Variants in ACTL8 observed in about 807,000 individuals in gnomAD.
ACTL8 encodes the protein actin-like protein 8.
ACTL8 carries 3 observed loss-of-function variants against 9.3 expected under a neutral mutation model. That is an observed-to-expected ratio of 0.32 (90% CI 0.15 to 0.83). ACTL8 has a LOEUF of 0.83. ACTL8 is among the 40% of genes least tolerant of loss of function. The pLI, the probability that ACTL8 is intolerant of heterozygous loss-of-function variation, is 0.57. For missense variants in ACTL8, 381 were observed against 492.2 expected, an observed-to-expected ratio of 0.77 and a Z score of 2.14; for synonymous variants, 224 against 205.9, an observed-to-expected ratio of 1.09 and a Z score of -0.75.
intron 1 of ACTL8, among the ~76,000 whole-genome samples, chr1:17,790,331 C>T (rs959576869): frequency 6.6e-6 from 1 of 152,238 alleles, no homozygotes; most frequent in African/African-American, 2.4e-5. Flanking sequence ...GGTCATGTTT[C>T]AGCCCTGTTT....
At position 17,823,352 on chromosome 1, in the gene ACTL8, T is replaced by A; in HGVS notation, c.344T>A (p.Leu115Gln). The A allele has an allele frequency of 1.2e-6, 2 of 1,611,880 alleles. No homozygotes were observed. Among genetic ancestry groups the A allele is most frequent in the South Asian group, 2.2e-5 (2 of 90,942 alleles). The change falls in exon 2 of 3, where the codon CTG becomes CAG. Residue 115 changes from leucine to glutamine, a missense_variant. By Grantham distance (113) the Leu-to-Gln change is moderately radical. This residue lies in a region of ACTL8 where 125 missense variants were observed against 180.7 expected (regional missense o/e 0.69). Coordinates refer to ENST00000375406, the MANE Select transcript of ACTL8 (RefSeq NM_030812.3). The surrounding 1 kb of genome is among the most constrained non-coding windows in gnomAD (Gnocchi z 5.3). Reference protein sequence around the residue: ...LREPADRKKMLEILFELLHVP... With the variant: ...LREPADRKKMQEILFELLHVP... Reference sequence around the variant, plus strand: ...GAGCCTGCGGACCGAAAGAAGATGCTGGAGGTGAGGCCTGCCGGGGCCTGC... The same window carrying A: ...GAGCCTGCGGACCGAAAGAAGATGCAGGAGGTGAGGCCTGCCGGGGCCTGC...
Position 17,805,377 on chromosome 1 carries a change from CTTTTTTTTTTTTT to C in ACTL8, c.-24-17594_-24-17582del, listed in dbSNP as rs56870755. The stretch of plus-strand genomic sequence containing the variant: ...ATAGATATATTTTCTTTTTCTTTTT[CTTTTTTTTTTTTT>C]TTTTTTTTTTTTTGAGATTAAGTCT... On this transcript the variant is annotated intron_variant, in intron 1 of 2. Transcript: ENST00000375406. 1.6e-3 allele frequency among the ~76,000 whole-genome samples: 159 copies of C among 100,192 alleles called. 3 individuals are homozygous for C. The East Asian group carries it at 0.032, about 20-fold the overall frequency. 65.7% of individuals were successfully genotyped at this position (100,192 alleles called of 152,430 possible). A position where few individuals can be genotyped will look rare whatever the true frequency, so the allele number is the denominator to read the frequency against.
intron 1 of ACTL8, among the ~76,000 whole-genome samples, chr1:17,793,256 G>A (rs943939453): frequency 1.3e-5 from 2 of 152,166 alleles, no homozygotes; most frequent in Non-Finnish European, 2.9e-5. Flanking sequence ...CAAATCCTGG[G>A]GCTCCCTGGA....
chr1:17,769,153 C>T (rs976959645), intron 1 of ACTL8, among the ~76,000 whole-genome samples: 3 of 152,166 alleles, frequency 2.0e-5, no homozygotes, highest in African/African-American at 7.2e-5. Flanking sequence ...GTTGCAGAAT[C>T]GCCAGCTGTG....
chr1:17,815,821 A>G (rs1278214186), intron 1 of ACTL8, among the ~76,000 whole-genome samples: 2 of 152,166 alleles, frequency 1.3e-5, no homozygotes, highest in African/African-American at 4.8e-5. Context: ...ATATTGCCCC[A>G]CAGGTCTCTG....
At chr1:17,813,820 TTTC>T (rs1326896847) in intron 1 of ACTL8, among the ~76,000 whole-genome samples, 10 of 152,244 alleles carry the variant, frequency 6.6e-5, no homozygotes, top group African/African-American at 2.4e-4. Context: ...TAAATATATA[TTTC>T]TTCTTGATTG....
At chr1:17,771,496 C>T (rs751899824) in intron 1 of ACTL8, among the ~76,000 whole-genome samples, 3 of 151,830 alleles carry the variant, frequency 2.0e-5, no homozygotes, top group Admixed American at 6.6e-5. Context: ...CTCAGGAGGG[C>T]GGGTTGAAGA....
chr1:17,797,488 C>T (rs1393003809), intron 1 of ACTL8, among the ~76,000 whole-genome samples: 1 of 152,240 alleles, frequency 6.6e-6, no homozygotes, highest in Non-Finnish European at 1.5e-5. Context: ...AACCACCGTG[C>T]ATCGGAGGCA....
In ACTL8 at chr1:17,824,462, C is replaced by T. The variant is rs946606311; in HGVS notation, c.348+1106C>T. ...GGGTTTGGCAGAGTGTGCTTTCATACGACAGCATCTGAGTTAAGTTGTTGC... is the reference window on the plus strand; with the variant it reads ...GGGTTTGGCAGAGTGTGCTTTCATATGACAGCATCTGAGTTAAGTTGTTGC... On this transcript the variant is annotated intron_variant, in intron 2 of 2. Transcript: ENST00000375406. Among the ~76,000 whole-genome samples the T allele has an allele frequency of 4.6e-5, 7 of 152,244 alleles. No individual in the cohort carries two copies. In the South Asian group the frequency reaches 6.2e-4, roughly 14 times the overall value.
intron 1 of ACTL8, among the ~76,000 whole-genome samples, chr1:17,794,800 T>C (rs1272893860): frequency 1.3e-5 from 2 of 152,212 alleles, no homozygotes; most frequent in Non-Finnish European, 2.9e-5. Context: ...TCCCAGATCG[T>C]GTCCAGTTCT....
Position 17,826,439 on chromosome 1 carries a change from G to A in ACTL8, c.1021G>A (p.Ala341Thr). ...TAGAAACTTTAGTGTCTGGCTAGGAGCGTCCGTGGTGGCTCACCTTTCTAC... is the reference window on the plus strand; with the variant it reads ...TAGAAACTTTAGTGTCTGGCTAGGAACGTCCGTGGTGGCTCACCTTTCTAC... ...SNRNFSVWLG[A>T]SVVAHLSTYQ... Residue 341 changes from alanine to threonine, a missense_variant, in exon 3 of 3, where the codon GCG (alanine) becomes ACG (threonine). By Grantham distance (58) the Ala-to-Thr change is moderately conservative. Coordinates refer to ENST00000375406, the MANE Select transcript of ACTL8 (RefSeq NM_030812.3). This position sits in a 1 kb window ranked among gnomAD's most constrained non-coding sequence, Gnocchi z 4.5. 2 of 1,613,870 alleles carry A rather than the reference G, an allele frequency of 1.2e-6. No homozygotes were observed. The highest frequency in any genetic ancestry group is 1.7e-6 in the Non-Finnish European group (2 of 1,179,884).
intron 1 of ACTL8, among the ~76,000 whole-genome samples, chr1:17,809,066 G>T (rs942490576): frequency 3.3e-5 from 5 of 152,116 alleles, no homozygotes; most frequent in African/African-American, 1.2e-4. Flanking sequence ...CTATCATGCC[G>T]CCAGCAAACC....
intron 1 of ACTL8, among the ~76,000 whole-genome samples, chr1:17,772,541 G>T (rs983672755): frequency 1.3e-5 from 2 of 152,224 alleles, no homozygotes; most frequent in African/African-American, 4.8e-5. Flanking sequence ...CACCAGGGAT[G>T]TTGGGGCAGC....
At chr1:17,780,281 G>C (rs1350295269) in intron 1 of ACTL8, among the ~76,000 whole-genome samples, 1 of 152,156 alleles carries the variant, frequency 6.6e-6, no homozygotes, top group Non-Finnish European at 1.5e-5. Context: ...GCATTAGCCT[G>C]GGAAGACCTT....
intron 1 of ACTL8, among the ~76,000 whole-genome samples, chr1:17,817,732 A>C (rs1266816097): frequency 2.0e-5 from 3 of 146,908 alleles, no homozygotes; most frequent in Non-Finnish European, 3.0e-5. Context: ...ATGGAGTCTC[A>C]CTCTGTCACC....
chr1:17,764,738 C>T (rs2066032188), intron 1 of ACTL8, among the ~76,000 whole-genome samples: 1 of 152,224 alleles, frequency 6.6e-6, no homozygotes, highest in African/African-American at 2.4e-5. Context: ...AGAAATTCCA[C>T]TTGTCTTGAG....
chr1:17,776,570 C>T (rs6661296), intron 1 of ACTL8, among the ~76,000 whole-genome samples: 43,341 of 151,994 alleles, frequency 0.29, 6,674 homozygotes, highest in Admixed American at 0.37. Context: ...AGTCTGCTTC[C>T]GTTCCACTCT....
chr1:17,825,912 C>T lies in ACTL8; in HGVS notation c.494C>T (p.Pro165Leu). Residue 165 changes from proline (P) to leucine (L), a missense_variant, in exon 3 of 3, where the codon CCC becomes CTC. Physicochemically the swap from Pro to Leu is moderately conservative, Grantham distance 98. Around this residue, in one of 3 missense-constraint regions of ACTL8, gnomAD observed 243 missense variants for 276.2 expected, o/e 0.88. Transcript: ENST00000375406. The part of the protein sequence containing the change: ...TRVQPFHQGR[P>L]LPASGKTLEF... Reference sequence around the variant, plus strand: ...GTGCAGCCTTTCCACCAGGGCCGCCCCTTGCCCGCCAGCGGCAAGACGCTG... The same window carrying T: ...GTGCAGCCTTTCCACCAGGGCCGCCTCTTGCCCGCCAGCGGCAAGACGCTG... 1 of 1,613,016 alleles carries T rather than the reference C, an allele frequency of 6.2e-7. No individual in the cohort carries two copies. Among genetic ancestry groups the T allele is most frequent in the Non-Finnish European group, 8.5e-7 (1 of 1,180,032 alleles).
intron 1 of ACTL8, among the ~76,000 whole-genome samples, chr1:17,772,282 G>A (rs1401612232): frequency 6.6e-6 from 1 of 152,180 alleles, no homozygotes; most frequent in Non-Finnish European, 1.5e-5. Context: ...ACTTTGGATC[G>A]GGAGTTATGA....
Sources: allele counts gnomAD v4.1 joint callset (sites outside exome capture counted in the v4.1 genomes callset), GRCh38; gene constraint gnomAD v4.1.1; regional missense constraint gnomAD v4.1.1; non-coding constraint Gnocchi (gnomAD v3.1); transcripts MANE v1.5; gene names NCBI Gene and HGNC (gene_info 2026-07-23, HGNC 2026-07-21).